Variants in RFX3 observed in about 807,000 individuals in gnomAD.
RFX3 encodes regulatory factor X3, also known as transcription factor RFX3.
A neutral mutation model predicts 98.6 loss-of-function variants in RFX3; 14 were observed. The ratio of observed to expected loss-of-function variants is 0.14; its 90% CI spans 0.09 to 0.22. RFX3 has a LOEUF of 0.22. RFX3 is among the 10% of genes least tolerant of loss of function. The probability of loss-of-function intolerance (pLI) is 1.00; values close to 1 mark genes in which losing one functional copy is unlikely to be tolerated. For missense variants in RFX3, 639 were observed against 926.9 expected (o/e 0.69, Z 4.03); for synonymous variants, 383 against 328.4 (o/e 1.17, Z -1.80).
At chr9:3,353,089 T>A (rs1835344522) in intron 2 of RFX3, among the ~76,000 whole-genome samples, 1 of 150,528 alleles carries the variant, frequency 6.6e-6, no homozygotes, top group African/African-American at 2.4e-5. Flanking sequence ...CAGCAAACTA[T>A]CGCAAGGACA....
At chr9:3,245,321 A>C (rs2130918012) in intron 15 of RFX3, among the ~76,000 whole-genome samples, 1 of 152,336 alleles carries the variant, frequency 6.6e-6, no homozygotes, top group Non-Finnish European at 1.5e-5. Context: ...TAGTCCAAGG[A>C]TGAGAAAACC....
intron 1 of RFX3, among the ~76,000 whole-genome samples, chr9:3,422,216 A>C (rs1447206405): frequency 6.6e-6 from 1 of 152,108 alleles, no homozygotes; most frequent in South Asian, 2.1e-4. Context: ...TATCCCACTC[A>C]CCCAAAATGA....
chr9:3,335,321 A>G (rs566706297), intron 3 of RFX3, among the ~76,000 whole-genome samples: 29 of 152,244 alleles, frequency 1.9e-4, no homozygotes, highest in Admixed American at 1.6e-3. Flanking sequence ...TATTTTAAAA[A>G]AGAAGCACCA....
intron 1 of RFX3, among the ~76,000 whole-genome samples, chr9:3,398,536 A>G (rs1564047311): frequency 2.6e-5 from 4 of 152,212 alleles, no homozygotes; most frequent in Admixed American, 2.6e-4. Flanking sequence ...GTCAACTCCA[A>G]GATGGCTGGT....
At chr9:3,462,015 C>A (rs1847736549) in intron 1 of RFX3, among the ~76,000 whole-genome samples, 2 of 151,914 alleles carry the variant, frequency 1.3e-5, no homozygotes, top group South Asian at 2.1e-4. Flanking sequence ...TTTTCCGATT[C>A]ATAATTAAGT....
intron 7 of RFX3, among the ~76,000 whole-genome samples, chr9:3,278,449 T>C (rs1825515015): frequency 2.0e-5 from 3 of 151,860 alleles, no homozygotes; most frequent in Admixed American, 6.6e-5. Context: ...TTCTTTTTTT[T>C]CCCTATTTCT....
chr9:3,433,341 G>C (rs1844826578), intron 1 of RFX3, among the ~76,000 whole-genome samples: 1 of 152,016 alleles, frequency 6.6e-6, no homozygotes, highest in Admixed American at 6.6e-5. Flanking sequence ...AGATAACTAG[G>C]ATGAAGACTT....
chr9:3,304,455 G>A (rs1412112826), intron 4 of RFX3, among the ~76,000 whole-genome samples: 1 of 151,826 alleles, frequency 6.6e-6, no homozygotes, highest in South Asian at 2.1e-4. Context: ...TATACACATG[G>A]TCATATATAT....
rs535897673 is a variant in RFX3, at chr9:3,347,998, A to C, written c.118-1234T>G. Among the ~76,000 whole-genome samples, 31 of 152,334 alleles carry C rather than the reference A, an allele frequency of 2.0e-4. No homozygotes were observed. In the South Asian group the frequency reaches 6.0e-3, roughly 30 times the overall value. ...AGTCATTGTTAAAATTTCCCTGATG[A>C]GTCCAATCACTATAGTATTGGTTTT... On this transcript the variant is annotated intron_variant, in intron 2 of 16. Coordinates refer to ENST00000617270, the MANE Select transcript of RFX3 (RefSeq NM_001282116.2).
intron 1 of RFX3, among the ~76,000 whole-genome samples, chr9:3,396,605 G>A (rs1487126487): frequency 6.6e-6 from 1 of 150,384 alleles, no homozygotes; most frequent in African/African-American, 2.5e-5. Flanking sequence ...AGATCCCTGA[G>A]GAATCGCCAC....
chr9:3,283,282 T>C (rs974401491), intron 7 of RFX3, among the ~76,000 whole-genome samples: 12 of 151,804 alleles, frequency 7.9e-5, no homozygotes, highest in Non-Finnish European at 1.8e-4. Flanking sequence ...CATCATATAA[T>C]AATGATCCTA....
At chr9:3,324,797 T>C (rs1391168061) in intron 4 of RFX3, among the ~76,000 whole-genome samples, 1 of 151,994 alleles carries the variant, frequency 6.6e-6, no homozygotes, top group African/African-American at 2.4e-5. Flanking sequence ...ACACCGTCTC[T>C]ACTAAAAATA....
chr9:3,254,015 G>C (rs752119399), intron 14 of RFX3, among the ~76,000 whole-genome samples: 63 of 152,084 alleles, frequency 4.1e-4, no homozygotes, highest in Middle Eastern at 3.4e-3. Flanking sequence ...TTTCCTTCTG[G>C]GGCCCTGAAC....
At chr9:3,301,264 T>C (rs1828623415) in intron 5 of RFX3, among the ~76,000 whole-genome samples, 1 of 151,868 alleles carries the variant, frequency 6.6e-6, no homozygotes, top group Non-Finnish European at 1.5e-5. Context: ...TGAAAATCAC[T>C]ATTATTACTT....
At chr9:3,476,989 T>C (rs140493128) in intron 1 of RFX3, among the ~76,000 whole-genome samples, 1,871 of 152,220 alleles carry the variant, frequency 0.012, 28 homozygotes, top group African/African-American at 0.032. Flanking sequence ...TAGTGAGATA[T>C]TGTAATGAGA....
chr9:3,383,192 T>C (rs564475362), intron 2 of RFX3, among the ~76,000 whole-genome samples: 1 of 152,288 alleles, frequency 6.6e-6, no homozygotes, highest in Non-Finnish European at 1.5e-5. Context: ...TTTATTGATG[T>C]TCATACTTAG....
chr9:3,319,727 G>A (rs1831034543), intron 4 of RFX3, among the ~76,000 whole-genome samples: 1 of 152,066 alleles, frequency 6.6e-6, no homozygotes. Flanking sequence ...TTGCCTTACA[G>A]GATTAGGTAC....
chr9:3,525,431 G>T (rs1035941324), intron 1 of RFX3, among the ~76,000 whole-genome samples: 1 of 152,140 alleles, frequency 6.6e-6, no homozygotes, highest in Non-Finnish European at 1.5e-5. Flanking sequence ...GAAAACTGTG[G>T]CTCCCTCTCC....
intron 9 of RFX3, among the ~76,000 whole-genome samples, chr9:3,274,465 C>T (rs1210776034): frequency 6.6e-6 from 1 of 151,932 alleles, no homozygotes; most frequent in Non-Finnish European, 1.5e-5. Context: ...CCCCTTTTTG[C>T]CAGGTGAGCT....
Sources: allele counts gnomAD v4.1 joint callset (sites outside exome capture counted in the v4.1 genomes callset), GRCh38; gene constraint gnomAD v4.1.1; transcripts MANE v1.5; gene names NCBI Gene and HGNC (gene_info 2026-07-23, HGNC 2026-07-21).